Variants in PRKCB observed in about 807,000 individuals in gnomAD.
The protein encoded by PRKCB is protein kinase C beta type.
Under a neutral mutation model 81.5 loss-of-function variants are expected in PRKCB, and 13 were observed. The observed-to-expected ratio is 0.16, with a 90% CI of 0.10 to 0.25. The LOEUF is 0.25. PRKCB is among the 10% of genes least tolerant of loss of function. The pLI is 1.00. For synonymous variants in PRKCB, 335 were observed against 321.4 expected (o/e 1.04, Z -0.45); for missense variants, 509 against 875.7 (o/e 0.58, Z 5.29).
intron 2 of PRKCB, among the ~76,000 whole-genome samples, chr16:23,872,666 C>T (rs1450222601): frequency 6.6e-6 from 1 of 152,100 alleles, no homozygotes; most frequent in African/African-American, 2.4e-5. Context: ...AGTTTTTCAC[C>T]TACAAAAATA....
At chr16:24,021,028 C>CTTTCTTTCTTTCTTTA (rs1567346706) in intron 3 of PRKCB, among the ~76,000 whole-genome samples, 1 of 140,328 alleles carries the variant, frequency 7.1e-6, no homozygotes, top group African/African-American at 2.8e-5. Flanking sequence ...TTCTTTCTTT[C>CTTTCTTTCTTTCTTTA]TTTCTTTCTT....
intron 9 of PRKCB, among the ~76,000 whole-genome samples, chr16:24,145,013 G>A (rs1966968213): frequency 5.3e-5 from 8 of 152,138 alleles, no homozygotes; most frequent in Admixed American, 5.2e-4. Context: ...AGGAGGGGAA[G>A]GGGATGGAAA....
intron 2 of PRKCB, among the ~76,000 whole-genome samples, chr16:23,880,250 C>G (rs944920672): frequency 2.6e-5 from 4 of 152,088 alleles, no homozygotes; most frequent in Non-Finnish European, 4.4e-5. Context: ...GCTCTTTCCT[C>G]CTAGTATTAG....
chr16:24,202,928 A>T (rs967811292), intron 16 of PRKCB, among the ~76,000 whole-genome samples: 1 of 151,984 alleles, frequency 6.6e-6, no homozygotes. Context: ...AGAATACCTG[A>T]AACTGGGGCC....
chr16:24,020,970 TTTTCTTTTTCTTTCTTTC>T (rs776482787), intron 3 of PRKCB, among the ~76,000 whole-genome samples: 2,223 of 120,344 alleles, frequency 0.018, 49 homozygotes, highest in East Asian at 0.053. Context: ...TGAGAGAGAC[TTTTCTTTTTCTTTCTTTC>T]TTTCTTTCTT....
chr16:23,851,017 T>G (rs1385174230), intron 2 of PRKCB, among the ~76,000 whole-genome samples: 2 of 152,202 alleles, frequency 1.3e-5, no homozygotes, highest in East Asian at 3.8e-4. Flanking sequence ...GGATATTAAC[T>G]TCTTATCAGA....
intron 7 of PRKCB, among the ~76,000 whole-genome samples, chr16:24,109,190 G>T (rs1333888751): frequency 1.1e-4 from 14 of 131,086 alleles, no homozygotes; most frequent in African/African-American, 4.0e-4. Flanking sequence ...CGACGGGGCG[G>T]CTGGCCGGGC....
intron 16 of PRKCB, among the ~76,000 whole-genome samples, chr16:24,213,270 T>C (rs1277256132): frequency 3.3e-5 from 5 of 152,092 alleles, no homozygotes; most frequent in Non-Finnish European, 5.9e-5. Context: ...CCTGACTTTG[T>C]GATCCACCCG....
At chr16:23,999,693 T>C (rs1350007988) in intron 3 of PRKCB, among the ~76,000 whole-genome samples, 1 of 152,214 alleles carries the variant, frequency 6.6e-6, no homozygotes, top group Non-Finnish European at 1.5e-5. Context: ...GCATTACTTA[T>C]GGACATTATA....
chr16:24,016,566 G>A (rs1965280935), intron 3 of PRKCB, among the ~76,000 whole-genome samples: 1 of 152,026 alleles, frequency 6.6e-6, no homozygotes, highest in Admixed American at 6.6e-5. Context: ...TAACTTTTCT[G>A]TATTTTAGCA....
intron 5 of PRKCB, among the ~76,000 whole-genome samples, chr16:24,085,338 T>C (rs966621413): frequency 6.6e-6 from 1 of 152,178 alleles, no homozygotes; most frequent in Non-Finnish European, 1.5e-5. Flanking sequence ...TCCTCCAAGA[T>C]TCATTTGTAT....
chr16:23,947,296 G>T (rs1191465853), intron 2 of PRKCB, among the ~76,000 whole-genome samples: 1 of 152,186 alleles, frequency 6.6e-6, no homozygotes, highest in African/African-American at 2.4e-5. Context: ...GTTCTGCACT[G>T]GTTCCTTTGG....
rs991952336 is a variant in PRKCB, at chr16:24,138,845, C to CTTTT, written c.1065+14886_1065+14889dup. 1.5e-3 allele frequency among the ~76,000 whole-genome samples: 115 copies of CTTTT among 78,852 alleles called. 5 individuals are homozygous for CTTTT. Among genetic ancestry groups the CTTTT allele is most frequent in the African/African-American group, 4.6e-3 (87 of 18,778 alleles). The allele number at this position is 78,852 out of a possible 152,430, so 51.7% of individuals were successfully genotyped here. On this transcript the variant is annotated intron_variant, in intron 9 of 16. Transcript: ENST00000643927. Reference sequence around the variant, plus strand: ...ATATGTGAGATCATACAGTATTTGTCTTTTTTTTTTTTTTTTTTTTTTTTT... The same window carrying CTTTT: ...ATATGTGAGATCATACAGTATTTGTCTTTTTTTTTTTTTTTTTTTTTTTTTTTTT...
chr16:24,020,093 C>G (rs905195649), intron 3 of PRKCB, among the ~76,000 whole-genome samples: 5 of 152,278 alleles, frequency 3.3e-5, no homozygotes, highest in Admixed American at 3.3e-4. Flanking sequence ...CAGGATGACA[C>G]CAATTGGCCC....
rs1427517388 is a variant in PRKCB at position 24,035,407 on chromosome 16, C to T, written c.401-12C>T. On this transcript the variant is annotated splice_polypyrimidine_tract_variant and intron_variant, in intron 4 of 16. Coordinates refer to ENST00000643927, the MANE Select transcript of PRKCB (RefSeq NM_002738.7). ...CCAGCCTAAGCCACATCCCCTCTCT[C>T]TGCCCTCACAGCCTGCATGATGAAT... 6.2e-7 allele frequency: 1 copy of T among 1,612,782 alleles called. No individual in the cohort carries two copies. The highest frequency in any genetic ancestry group is 8.5e-7 in the Non-Finnish European group (1 of 1,179,394).
In PRKCB at chr16:24,215,134, T is replaced by G; in HGVS notation, c.*318T>G. 1 of 1,098,596 alleles carries G rather than the reference T, an allele frequency of 9.1e-7. No individual in the cohort carries two copies. 68.1% of individuals were successfully genotyped at this position (1,098,596 alleles called of 1,614,324 possible). On this transcript the variant is annotated 3_prime_UTR_variant, in exon 17 of 17. Coordinates refer to ENST00000643927, the MANE Select transcript of PRKCB (RefSeq NM_002738.7). ...AATGCCTGCTTTCTTTCCCTCTTTTTCTGCACTGCCATATTCACCCCCAAC... is the reference window on the plus strand; with the variant it reads ...AATGCCTGCTTTCTTTCCCTCTTTTGCTGCACTGCCATATTCACCCCCAAC...
chr16:23,908,692 ATT>A (rs11301650), intron 2 of PRKCB, among the ~76,000 whole-genome samples: 13 of 150,736 alleles, frequency 8.6e-5, no homozygotes, highest in Admixed American at 1.3e-4. Context: ...TGCCCAGCTA[ATT>A]TTTTTTTTTG....
At chr16:24,064,908 G>A (rs1567361860) in intron 5 of PRKCB, among the ~76,000 whole-genome samples, 1 of 149,544 alleles carries the variant, frequency 6.7e-6, no homozygotes, top group African/African-American at 2.5e-5. Flanking sequence ...TATGATGTGT[G>A]TGTTTATATG....
chr16:23,997,204 G>A (rs1039308850), intron 3 of PRKCB, among the ~76,000 whole-genome samples: 1 of 152,148 alleles, frequency 6.6e-6, no homozygotes, highest in African/African-American at 2.4e-5. Context: ...GAAGTTGGCT[G>A]GAGTGATTGA....
Sources: gnomAD v4.1 joint callset for allele counts (sites outside exome capture counted in the v4.1 genomes callset) on GRCh38, gnomAD v4.1.1 for gene constraint, MANE v1.5 for transcripts, NCBI Gene and HGNC (gene_info 2026-07-23, HGNC 2026-07-21) for gene names.